Variants in ABCC12 observed in about 807,000 individuals in gnomAD.
ABCC12 encodes ATP-binding cassette sub-family C member 12.
In ABCC12, 142 loss-of-function variants were observed where a neutral mutation model predicts 151.1. The ratio of observed to expected loss-of-function variants is 0.94; its 90% CI spans 0.82 to 1.08. ABCC12 has a LOEUF of 1.08. Among genes scored for constraint, ABCC12 ranks in the 50% least tolerant of loss-of-function variants. The pLI, the probability that ABCC12 is intolerant of heterozygous loss-of-function variation, is 0.00. For missense variants in ABCC12, 1,638 were observed against 1,691.1 expected (o/e 0.97, Z 0.55); for synonymous variants, 645 against 646.4 (o/e 1.00, Z 0.03).
chr16:48,092,570 C>A (rs1405587963), intron 24 of ABCC12, among the ~76,000 whole-genome samples: 4 of 152,130 alleles, frequency 2.6e-5, no homozygotes, highest in Non-Finnish European at 5.9e-5. Flanking sequence ...AGGGCCATCT[C>A]ATGCATTAGC....
chr16:48,096,993 G>A (rs1567445532), intron 23 of ABCC12, 91 bp from the exon 24 acceptor site: 6 of 1,517,650 alleles, frequency 4.0e-6, no homozygotes, highest in Non-Finnish European at 5.5e-6. Context: ...TTAAGGTTAG[G>A]GTGACTGGAG....
chr16:48,108,293 A>G, intron 19 of ABCC12, 147 bp downstream of exon 19: 1 of 701,512 alleles, frequency 1.4e-6, no homozygotes, highest in South Asian at 2.0e-5. Context: ...GTTAGTTTTT[A>G]GGAGGGGAAA....
intron 18 of ABCC12, 71 bp downstream of exon 18, chr16:48,111,365 T>C (rs1170165722): frequency 1.3e-6 from 2 of 1,534,944 alleles, no homozygotes; most frequent in Non-Finnish European, 1.8e-6. Context: ...GTCTACACTG[T>C]CTGTATCCCA....
In ABCC12 at chr16:48,115,540, G is replaced by A. The variant is rs1963850340; in HGVS notation, c.1864C>T (p.Gln622Ter). 3.1e-6 allele frequency: 5 copies of A among 1,614,208 alleles called. No homozygotes were observed. The highest frequency in any genetic ancestry group is 1.7e-4 in the Middle Eastern group (1 of 6,060). ...SLARAVYSDRQLYLLDDPLSA... is the reference protein window; with the variant it reads ...SLARAVYSDR The stretch of plus-strand genomic sequence containing the variant: ...AGGGGGTCGTCCAGCAGGTAGAGCT[G>A]ACGGTCGGAGTAGACAGCGCGGGCC... Residue 622 changes from glutamine to a stop codon, truncating the protein, a stop_gained, in exon 15 of 31, where the codon CAG (glutamine) becomes TAG (stop). Coordinates refer to ENST00000311303, the MANE Select transcript of ABCC12 (RefSeq NM_001393797.1). LOFTEE classifies it high-confidence loss of function.
At chr16:48,126,456 T>C (rs1289543328) in intron 11 of ABCC12, among the ~76,000 whole-genome samples, 3 of 152,186 alleles carry the variant, frequency 2.0e-5, no homozygotes, top group Admixed American at 6.5e-5. Flanking sequence ...TCTGATGGAA[T>C]TGAGGAGCTA....
At position 48,083,630 on chromosome 16, in the gene ABCC12, C is replaced by A. The variant is rs936271975; in HGVS notation, c.*85G>T. 7.2e-7 allele frequency: 1 copy of A among 1,387,352 alleles called. No individual in the cohort carries two copies. Among genetic ancestry groups the A allele is most frequent in the East Asian group, 2.3e-5 (1 of 43,690 alleles). The allele number at this position is 1,387,352 out of a possible 1,614,324, so 85.9% of individuals were successfully genotyped here. A position where few individuals can be genotyped will look rare whatever the true frequency, so the allele number is the denominator to read the frequency against. On this transcript the variant is annotated 3_prime_UTR_variant, in exon 31 of 31. Coordinates refer to ENST00000311303, the MANE Select transcript of ABCC12 (RefSeq NM_001393797.1). ...AGGGGCTGAAGACCAGGGCTGCCTG[C>A]GGAGAGGACAGCCCCTCCTCCTGAA...
At chr16:48,145,704 T>C (rs1247811896) in intron 3 of ABCC12, among the ~76,000 whole-genome samples, 1 of 152,214 alleles carries the variant, frequency 6.6e-6, no homozygotes, top group Non-Finnish European at 1.5e-5. Context: ...TGCTGGAGGT[T>C]GAGCACACGC....
chr16:48,155,141 G>A (rs1374940162), intron 1 of ABCC12, among the ~76,000 whole-genome samples: 1 of 152,182 alleles, frequency 6.6e-6, no homozygotes, highest in Admixed American at 6.5e-5. Flanking sequence ...GGTGGCAGAG[G>A]GAAGTGCATG....
chr16:48,090,154 T>C (rs1382824929), intron 25 of ABCC12, among the ~76,000 whole-genome samples: 2 of 152,210 alleles, frequency 1.3e-5, no homozygotes, highest in Admixed American at 6.5e-5. Flanking sequence ...GTAAGTTGGA[T>C]ATAAAAGCTT....
chr16:48,145,025 G>A (rs1964951460), intron 3 of ABCC12, among the ~76,000 whole-genome samples: 1 of 152,164 alleles, frequency 6.6e-6, no homozygotes, highest in South Asian at 2.1e-4. Flanking sequence ...ACTGCTTGTT[G>A]ACTCCAGTGT....
intron 3 of ABCC12, 33 bp downstream of exon 3, chr16:48,146,273 C>T: frequency 1.9e-6 from 3 of 1,600,352 alleles, no homozygotes; most frequent in Non-Finnish European, 2.6e-6. Context: ...AGGTCCTGCC[C>T]TGGCCCTCCC....
At chr16:48,127,249 C>A (rs1311435593) in intron 11 of ABCC12, among the ~76,000 whole-genome samples, 2 of 151,956 alleles carry the variant, frequency 1.3e-5, no homozygotes, top group Non-Finnish European at 2.9e-5. Context: ...AAATACCAGG[C>A]ACAAGATTAA....
At chr16:48,112,724 T>C (rs2150620230) in intron 15 of ABCC12, among the ~76,000 whole-genome samples, 1 of 152,202 alleles carries the variant, frequency 6.6e-6, no homozygotes, top group Middle Eastern at 3.4e-3. Flanking sequence ...TGTTCTAAAA[T>C]TACAAGCCTC....
chr16:48,117,159 GC>G (rs1963910321), intron 14 of ABCC12, 101 bp downstream of exon 14: 2 of 1,096,580 alleles, frequency 1.8e-6, no homozygotes, highest in East Asian at 5.2e-5. Flanking sequence ...CGTCCTTGGG[GC>G]ATCTGGATGT....
chr16:48,122,417 A>C (rs1014675439), intron 12 of ABCC12, among the ~76,000 whole-genome samples: 6 of 152,198 alleles, frequency 3.9e-5, no homozygotes, highest in African/African-American at 1.4e-4. Flanking sequence ...TGGACTTTTA[A>C]AGCATTCAGC....
At chr16:48,137,352 T>C (rs1964645204) in intron 8 of ABCC12, among the ~76,000 whole-genome samples, 1 of 152,250 alleles carries the variant, frequency 6.6e-6, no homozygotes, top group South Asian at 2.1e-4. Flanking sequence ...TGATATATAT[T>C]TATTGAACTA....
chr16:48,098,617 C>G (rs1567445983), intron 23 of ABCC12, among the ~76,000 whole-genome samples: 1 of 152,254 alleles, frequency 6.6e-6, no homozygotes, highest in Non-Finnish European at 1.5e-5. Context: ...CCTCCATGAC[C>G]TGGAAGTCAC....
At chr16:48,108,338 C>A in intron 19 of ABCC12, 102 bp downstream of exon 19, 1 of 1,119,152 alleles carries the variant, frequency 8.9e-7, no homozygotes, top group Non-Finnish European at 1.3e-6. Flanking sequence ...CTAGCATAAA[C>A]AGAATAATTG....
intron 5 of ABCC12, 23 bp downstream of exon 5, chr16:48,141,183 G>A (rs759992927): frequency 6.2e-7 from 1 of 1,610,560 alleles, no homozygotes; most frequent in Non-Finnish European, 8.5e-7. Context: ...TAGCAGATGA[G>A]GAGGAAGGGC....
Sources: gnomAD v4.1 joint callset for allele counts (sites outside exome capture counted in the v4.1 genomes callset) on GRCh38, gnomAD v4.1.1 for gene constraint, MANE v1.5 for transcripts, NCBI Gene and HGNC (gene_info 2026-07-23, HGNC 2026-07-21) for gene names.